BTD: variants seen among roughly 807,000 people sequenced by gnomAD.
BTD encodes the protein biotinidase.
BTD carries 13 observed loss-of-function variants against 17.7 expected under a neutral mutation model. The observed-to-expected ratio is 0.74, with a 90% CI of 0.48 to 1.17. The LOEUF (loss-of-function observed/expected upper bound fraction) is 1.17. BTD is among the 50% of genes most tolerant of loss of function. The probability of loss-of-function intolerance (pLI) is 0.00; values close to 1 mark genes in which losing one functional copy is unlikely to be tolerated. For synonymous variants in BTD, 240 were observed against 245.2 expected (o/e 0.98, Z 0.20); for missense variants, 674 against 650.4 (o/e 1.04, Z -0.39).
chr3:15,617,426 ATC>A (rs2064826422), intron 1 of BTD, among the ~76,000 whole-genome samples: 1 of 151,888 alleles, frequency 6.6e-6, no homozygotes, highest in South Asian at 2.1e-4. Flanking sequence ...TAGATCTATG[ATC>A]TGTTTTGAGT....
At chr3:15,630,430 A>G (rs1363907246) in intron 1 of BTD, among the ~76,000 whole-genome samples, 1 of 152,228 alleles carries the variant, frequency 6.6e-6, no homozygotes. Context: ...TCCATGTGCA[A>G]AAAAGCCTTC....
At chr3:15,714,125 T>C (rs1409295436), downstream of BTD, among the ~76,000 whole-genome samples, 1 of 152,156 alleles carries the variant, frequency 6.6e-6, no homozygotes, top group African/African-American at 2.4e-5. Flanking sequence ...CACCTAAAAG[T>C]TCTTTTGATT....
In BTD at chr3:15,647,676, G is replaced by A. The variant is rs763948461; in HGVS notation, c.*2188G>A. On this transcript the variant is annotated 3_prime_UTR_variant, in exon 4 of 4. Transcript: ENST00000643237. ...TAATGGTTGTGATTATGTTTTTGTCGATTGTGATCCTGAAACTCAGGAAGC... is the reference window on the plus strand; with the variant it reads ...TAATGGTTGTGATTATGTTTTTGTCAATTGTGATCCTGAAACTCAGGAAGC... 3.9e-5 allele frequency: 6 copies of A among 152,136 alleles called. No individual in the cohort carries two copies. The highest frequency in any genetic ancestry group is 5.9e-5 in the Non-Finnish European group (4 of 68,042). The allele number at this position is 152,136 out of a possible 1,614,324, so 9.4% of individuals were successfully genotyped here.
At chr3:15,685,942 G>C (rs1461614794) in intron 3 of BTD, 1 of 1,297,792 alleles carries the variant, frequency 7.7e-7, no homozygotes, top group African/African-American at 1.5e-5. Flanking sequence ...ACCTAGTTCA[G>C]TTCTAGGTAA....
At chr3:15,674,597 A>T (rs140886062) in intron 3 of BTD, among the ~76,000 whole-genome samples, 122 of 152,318 alleles carry the variant, frequency 8.0e-4, no homozygotes, top group African/African-American at 2.7e-3. Context: ...GGAGATATAA[A>T]TCTGGGAATC....
At chr3:15,605,416 A>G (rs1413579053) in intron 1 of BTD, among the ~76,000 whole-genome samples, 2 of 152,194 alleles carry the variant, frequency 1.3e-5, no homozygotes, top group Non-Finnish European at 2.9e-5. Context: ...CGCTCATGAT[A>G]TGTAGGGATT....
chr3:15,614,228 A>G (rs1311852709), intron 1 of BTD, among the ~76,000 whole-genome samples: 1 of 151,554 alleles, frequency 6.6e-6, no homozygotes, highest in East Asian at 1.9e-4. Context: ...GGCTCAAGCA[A>G]TCCTACCACC....
At chr3:15,692,144 TAAAA>T (rs908039642) in intron 3 of BTD, among the ~76,000 whole-genome samples, 8 of 98,910 alleles carry the variant, frequency 8.1e-5, no homozygotes, top group South Asian at 3.5e-4. Context: ...TATCTCTAAA[TAAAA>T]AAAAAAAAAA....
chr3:15,666,724 T>C (rs1285751038), intron 3 of BTD, among the ~76,000 whole-genome samples: 1 of 152,200 alleles, frequency 6.6e-6, no homozygotes, highest in Non-Finnish European at 1.5e-5. Context: ...TAAGTGCCAA[T>C]ATATCTACTC....
In BTD at chr3:15,652,055, A is replaced by G. The variant is rs184073973; in HGVS notation, c.*6567A>G. 4.2e-3 allele frequency among the ~76,000 whole-genome samples: 640 copies of G among 152,342 alleles called. 7 individuals are homozygous for G. The highest frequency in any genetic ancestry group is 0.015 in the South Asian group (73 of 4,830). On this transcript the variant is annotated 3_prime_UTR_variant, in exon 4 of 4. Coordinates refer to ENST00000643237, the MANE Select transcript of BTD (RefSeq NM_001370658.1). The stretch of plus-strand genomic sequence containing the variant: ...TTATAAAAGGTACTGCAGACCGGGC[A>G]CGGTGGCTTACGCCTGTAATCCCAG...
chr3:15,675,976 C>T (rs2066893874), intron 3 of BTD: 2 of 1,612,494 alleles, frequency 1.2e-6, no homozygotes, highest in Non-Finnish European at 8.5e-7. Context: ...TTTCGGGCAG[C>T]AACATGCAGA....
rs1326998854 is a variant in BTD at position 15,601,845 on chromosome 3, G to C, written c.-66G>C. The stretch of plus-strand genomic sequence containing the variant: ...GCTGGAGCGTTTTCGGGGCTGTAAA[G>C]GGAGAATGGCGCATGCGCATATTCA... On this transcript the variant is annotated 5_prime_UTR_variant, in exon 1 of 4. Transcript: ENST00000643237. 6.2e-7 allele frequency: 1 copy of C among 1,614,114 alleles called. No homozygotes were observed. Among genetic ancestry groups the C allele is most frequent in the Admixed American group, 1.7e-5 (1 of 60,012 alleles).
At position 15,635,626 on chromosome 3, in the gene BTD, T is replaced by A. The variant is rs756703905; in HGVS notation, c.187T>A (p.Leu63Met). 1 of 1,614,088 alleles carries A rather than the reference T, an allele frequency of 6.2e-7. No homozygotes were observed. The highest frequency in any genetic ancestry group is 8.5e-7 in the Non-Finnish European group (1 of 1,180,044). ...GGCTCTCATCAGCCGCCAAGAGGCC[T>A]TGGAGCTCATGAACCAGAACCTTGA... is the stretch of plus-strand genomic sequence containing the variant. The part of the protein sequence containing the change: ...PLALISRQEA[L>M]ELMNQNLDIY... The change falls in exon 2 of 4, where the codon TTG becomes ATG. Residue 63 changes from leucine to methionine, a missense_variant. Leu to Met is a conservative substitution (Grantham distance 15). Coordinates refer to ENST00000643237, the MANE Select transcript of BTD (RefSeq NM_001370658.1). This position sits in a 1 kb window ranked among gnomAD's most constrained non-coding sequence, Gnocchi z 4.1.
chr3:15,713,566 A>G (rs760625769), downstream of BTD: 4 of 1,611,618 alleles, frequency 2.5e-6, no homozygotes, highest in Non-Finnish European at 3.4e-6. Context: ...AGTGTTGATC[A>G]GCAGCTCATG....
downstream of BTD, among the ~76,000 whole-genome samples, chr3:15,655,099 A>T (rs895046649): frequency 6.6e-6 from 1 of 152,222 alleles, no homozygotes; most frequent in Non-Finnish European, 1.5e-5. Flanking sequence ...ACATTCATGC[A>T]CAACAGAAAG....
chr3:15,714,714 GT>G, downstream of BTD: 1 of 1,226,456 alleles, frequency 8.2e-7, no homozygotes. Flanking sequence ...GTAAACCTTA[GT>G]TTTACTTTGA....
intron 3 of BTD, among the ~76,000 whole-genome samples, chr3:15,665,044 T>A (rs1260070725): frequency 1.3e-5 from 2 of 152,192 alleles, no homozygotes; most frequent in African/African-American, 4.8e-5. Flanking sequence ...AAGGAAATAT[T>A]TCTTTTCTAA....
At chr3:15,611,303 A>G (rs2064619871) in intron 1 of BTD, among the ~76,000 whole-genome samples, 2 of 152,204 alleles carry the variant, frequency 1.3e-5, no homozygotes, top group Admixed American at 1.3e-4. Flanking sequence ...TGTAGAAGTC[A>G]TTTTGGAACC....
chr3:15,629,924 T>C (rs2065162333), intron 1 of BTD: 1 of 462,086 alleles, frequency 2.2e-6, no homozygotes, highest in South Asian at 9.2e-5. Flanking sequence ...GATAAAAAAA[T>C]AATAATAATG....
Sources: gnomAD v4.1 joint callset for allele counts (sites outside exome capture counted in the v4.1 genomes callset) on GRCh38, gnomAD v4.1.1 for gene constraint, Gnocchi (gnomAD v3.1) non-coding constraint, MANE v1.5 for transcripts, NCBI Gene and HGNC (gene_info 2026-07-23, HGNC 2026-07-21) for gene names.